Variants in CFAP97 observed in about 807,000 individuals in gnomAD.
CFAP97 encodes the protein cilia and flagella associated protein 97.
Under a neutral mutation model 43.1 loss-of-function variants are expected in CFAP97, and 36 were observed. The ratio of observed to expected loss-of-function variants is 0.84; its 90% CI spans 0.64 to 1.10. The LOEUF (loss-of-function observed/expected upper bound fraction) is 1.10, where lower values mean the gene tolerates loss of function less well. Ranked by LOEUF, CFAP97 falls within the 50% of genes least tolerant of loss-of-function variation. The pLI, the probability that CFAP97 is intolerant of heterozygous loss-of-function variation, is 0.00. For synonymous variants in CFAP97, 228 were observed against 225.7 expected, an observed-to-expected ratio of 1.01 and a Z score of -0.09; for missense variants, 657 against 620.3, an observed-to-expected ratio of 1.06 and a Z score of -0.63.
chr4:185,202,885 T>C (rs1736945560), intron 1 of CFAP97, among the ~76,000 whole-genome samples: 1 of 152,238 alleles, frequency 6.6e-6, no homozygotes, highest in Admixed American at 6.5e-5. Flanking sequence ...AGCAATTCTT[T>C]TGATAACATT....
At position 185,162,910 on chromosome 4, in the gene CFAP97, G is replaced by C; in HGVS notation, c.1487C>G (p.Ser496Cys). 1 of 1,577,450 alleles carries C rather than the reference G, an allele frequency of 6.3e-7. No individual in the cohort carries two copies. The highest frequency in any genetic ancestry group is 8.6e-7 in the Non-Finnish European group (1 of 1,166,678). The change falls in exon 5 of 5, where the codon TCC (serine) becomes TGC (cysteine). Residue 496 changes from serine to cysteine, a missense_variant. Physicochemically the swap from Ser to Cys is moderately radical, Grantham distance 112. Transcript: ENST00000458385. ...ACAACTGAGACCACTCGTAGCACTG[G>C]ATGTCCTGGAAGCTCCTGAAAATAT... ...QYSPLRASRT[S>C]SATSGLSCRS...
intron 2 of CFAP97, among the ~76,000 whole-genome samples, chr4:185,189,396 G>A (rs1736134244): frequency 1.3e-5 from 2 of 152,206 alleles, no homozygotes; most frequent in South Asian, 4.2e-4. Context: ...CAAACAGGAA[G>A]ACAGAGAATT....
At chr4:185,209,711 C>A, upstream of CFAP97, 1 of 983,168 alleles carries the variant, frequency 1.0e-6, no homozygotes, top group Non-Finnish European at 1.2e-6. The surrounding 1 kb of genome is among the most constrained non-coding windows in gnomAD (Gnocchi z 5.2). Flanking sequence ...CTGCGGGGGC[C>A]GCTCCCTCGG....
chr4:185,206,660 CAAAAAAA>C (rs375061067), upstream of CFAP97, among the ~76,000 whole-genome samples: 1 of 77,438 alleles, frequency 1.3e-5, no homozygotes, highest in Non-Finnish European at 2.3e-5. Context: ...ACTCTTGTCT[CAAAAAAA>C]AAAAAAAAAA....
intron 1 of CFAP97, among the ~76,000 whole-genome samples, chr4:185,200,784 CA>C (rs1009899282): frequency 2.7e-5 from 4 of 150,760 alleles, no homozygotes; most frequent in African/African-American, 9.8e-5. Context: ...AAGACCCTGT[CA>C]AAAAAAAGAA....
chr4:185,178,125 A>G (rs916595615), intron 2 of CFAP97, among the ~76,000 whole-genome samples: 14 of 151,906 alleles, frequency 9.2e-5, no homozygotes, highest in African/African-American at 3.4e-4. Context: ...ATGTGAAATT[A>G]TCTTGCCTCC....
chr4:185,185,054 T>A (rs1281279989), intron 2 of CFAP97, among the ~76,000 whole-genome samples: 1 of 152,230 alleles, frequency 6.6e-6, no homozygotes, highest in Non-Finnish European at 1.5e-5. Context: ...ATATTGAACA[T>A]TTTAATTTAT....
chr4:185,208,752 AGAAT>A (rs1469007694), upstream of CFAP97, among the ~76,000 whole-genome samples: 1 of 150,450 alleles, frequency 6.6e-6, no homozygotes, highest in East Asian at 1.9e-4. Context: ...AAAGAAAGAA[AGAAT>A]GAAATGCCCA....
chr4:185,179,232 C>T (rs556239709), intron 2 of CFAP97, among the ~76,000 whole-genome samples: 35 of 152,084 alleles, frequency 2.3e-4, no homozygotes, highest in African/African-American at 6.3e-4. Flanking sequence ...GTGGAAAGAG[C>T]GAATGCATTC....
chr4:185,190,401 G>A lies in CFAP97; in HGVS notation c.796C>T (p.Leu266Phe), dbSNP rs1736183477. ...GCTATGCCCAGTTCAAAAGACTGAA[G>A]AGGGCTAATGTCTGGAGTTGATAAG... The part of the protein sequence containing the change: ...SPLSTPDISP[L>F]QSFELGIAND... The change falls in exon 2 of 5, where the codon CTT becomes TTT. Residue 266 changes from leucine to phenylalanine, a missense_variant. Transcript: ENST00000458385. The A allele has an allele frequency of 1.2e-6, 2 of 1,612,828 alleles. No homozygotes were observed.
chr4:185,162,871 G>A lies in CFAP97; in HGVS notation c.1526C>T (p.Ser509Leu), dbSNP rs960383619. Residue 509 changes from serine (S) to leucine (L), a missense_variant, in exon 5 of 5, where the codon TCA becomes TTA. Physicochemically the swap from Ser to Leu is moderately radical, Grantham distance 145. Coordinates refer to ENST00000458385, the MANE Select transcript of CFAP97 (RefSeq NM_020827.3). ...TSGLSCRSER[S>L]AVDPSSGHPR... ...GTGGCCACTGGAGGGGTCAACCGCT[G>A]ATCGCTCACTCCTACAACTGAGACC... 2.5e-6 allele frequency: 4 copies of A among 1,611,630 alleles called. No individual in the cohort carries two copies. Among genetic ancestry groups the A allele is most frequent in the Non-Finnish European group, 3.4e-6 (4 of 1,179,056 alleles).
rs925372713 is a variant in CFAP97, at chr4:185,209,031, G to T, written c.-74+294C>A. On this transcript the variant is annotated intron_variant, in intron 1 of 2. Transcript: ENST00000503223. The surrounding 1 kb of genome is among the most constrained non-coding windows in gnomAD (Gnocchi z 5.2). ...CAAAACAAAACAAAAACCAGAAGTG[G>T]AGCCAAAGTGATTATGGGCAGCTGC... is the stretch of plus-strand genomic sequence containing the variant. 6.6e-6 allele frequency among the ~76,000 whole-genome samples: 1 copy of T among 152,202 alleles called. No homozygotes were observed. Among genetic ancestry groups the T allele is most frequent in the Non-Finnish European group, 1.5e-5 (1 of 68,024 alleles).
intron 3 of CFAP97, among the ~76,000 whole-genome samples, chr4:185,166,045 C>T: frequency 6.6e-6 from 1 of 152,136 alleles, no homozygotes. Context: ...TTACTGCCTC[C>T]CTGCATGCTA....
intron 1 of CFAP97, among the ~76,000 whole-genome samples, 194 bp from the exon 2 acceptor site, chr4:185,191,406 A>C (rs183389143): frequency 6.6e-6 from 1 of 152,366 alleles, no homozygotes; most frequent in East Asian, 1.9e-4. Context: ...TCTACCAATT[A>C]TCTGAAAAAT....
At chr4:185,202,132 G>T (rs943182260) in intron 1 of CFAP97, among the ~76,000 whole-genome samples, 3 of 152,166 alleles carry the variant, frequency 2.0e-5, no homozygotes, top group African/African-American at 7.2e-5. Flanking sequence ...AGAACCTGAT[G>T]AATTTAGTCA....
At chr4:185,195,447 C>T (rs917156559) in intron 1 of CFAP97, among the ~76,000 whole-genome samples, 4 of 152,198 alleles carry the variant, frequency 2.6e-5, no homozygotes, top group Non-Finnish European at 5.9e-5. Flanking sequence ...CACACCACTG[C>T]ACTCCAGCCT....
chr4:185,182,077 T>C (rs745873444), intron 2 of CFAP97: 9 of 152,204 alleles, frequency 5.9e-5, no homozygotes, highest in Non-Finnish European at 1.0e-4. Context: ...GTTTATATAG[T>C]AGATTTTGAG....
At position 185,161,889 on chromosome 4, in the gene CFAP97, A is replaced by G. The variant is rs1361079062; in HGVS notation, c.*909T>C. 2 of 152,188 alleles carry G rather than the reference A, an allele frequency of 1.3e-5. No individual in the cohort carries two copies. The highest frequency in any genetic ancestry group is 2.9e-5 in the Non-Finnish European group (2 of 68,034). 9.4% of individuals were successfully genotyped at this position (152,188 alleles called of 1,614,324 possible). On this transcript the variant is annotated 3_prime_UTR_variant, in exon 5 of 5. Transcript: ENST00000458385. The stretch of plus-strand genomic sequence containing the variant: ...TTCTTTCTTACGCTAAGTCTTCTCT[A>G]ATAACATAATAAATACTGAATTACC...
At chr4:185,167,411 G>C (rs549355778) in intron 3 of CFAP97, among the ~76,000 whole-genome samples, 1 of 152,284 alleles carries the variant, frequency 6.6e-6, no homozygotes, top group South Asian at 2.1e-4. Flanking sequence ...CTGCAAGTGA[G>C]TCATGATCAC....
Sources: allele counts gnomAD v4.1 joint callset (sites outside exome capture counted in the v4.1 genomes callset), GRCh38; gene constraint gnomAD v4.1.1; non-coding constraint Gnocchi (gnomAD v3.1); transcripts MANE v1.5; gene names NCBI Gene and HGNC (gene_info 2026-07-23, HGNC 2026-07-21).